The following NELL1 variants were observed in gnomAD, a reference collection of about 807,000 sequenced individuals.
The protein encoded by NELL1 is protein kinase C-binding protein NELL1.
In NELL1, 76 loss-of-function variants were observed where a neutral mutation model predicts 107.4. The ratio of observed to expected loss-of-function variants is 0.71; its 90% CI spans 0.59 to 0.86. The LOEUF (loss-of-function observed/expected upper bound fraction) is 0.86, where lower values mean the gene tolerates loss of function less well. Among genes scored for constraint, NELL1 ranks in the 40% least tolerant of loss-of-function variants. NELL1 has a pLI of 0.00. For synonymous variants in NELL1, 353 were observed against 341.2 expected, an observed-to-expected ratio of 1.03 and a Z score of -0.38; for missense variants, 1,024 against 1,005.5, an observed-to-expected ratio of 1.02 and a Z score of -0.25.
chr11:21,433,839 C>T (rs1853033093), intron 15 of NELL1, among the ~76,000 whole-genome samples: 1 of 152,034 alleles, frequency 6.6e-6, no homozygotes, highest in South Asian at 2.1e-4. Context: ...CCATGCCCAG[C>T]TAATTTTGAA....
chr11:20,856,652 C>T (rs1347453924), intron 4 of NELL1, among the ~76,000 whole-genome samples: 1 of 152,212 alleles, frequency 6.6e-6, no homozygotes, highest in Non-Finnish European at 1.5e-5. Context: ...CTAATATCTG[C>T]TTTCCAGGTC....
intron 2 of NELL1, among the ~76,000 whole-genome samples, chr11:20,729,162 C>T (rs35152319): frequency 0.12 from 18,208 of 151,918 alleles, 1,192 homozygotes; most frequent in Non-Finnish European, 0.15. Context: ...GATTTTGTGT[C>T]ATGAAAGCTT....
intron 14 of NELL1, among the ~76,000 whole-genome samples, chr11:21,310,400 T>A (rs1023431538): frequency 6.6e-6 from 1 of 152,106 alleles, no homozygotes; most frequent in Non-Finnish European, 1.5e-5. Context: ...GAGTGGCTGC[T>A]ATGTGTCAAG....
intron 14 of NELL1, among the ~76,000 whole-genome samples, chr11:21,352,577 T>C (rs1004290550): frequency 4.6e-5 from 7 of 152,194 alleles, no homozygotes; most frequent in African/African-American, 1.7e-4. Context: ...CAGTGGGGTC[T>C]GATATTAATT....
intron 15 of NELL1, among the ~76,000 whole-genome samples, chr11:21,486,586 C>T (rs1285934219): frequency 6.6e-6 from 1 of 152,026 alleles, no homozygotes; most frequent in African/African-American, 2.4e-5. Context: ...AAATATGACA[C>T]TTGGAAAGAG....
At chr11:21,051,224 G>C (rs970028214) in intron 12 of NELL1, among the ~76,000 whole-genome samples, 6 of 152,060 alleles carry the variant, frequency 3.9e-5, no homozygotes, top group South Asian at 2.1e-4. Flanking sequence ...TGAAATAATA[G>C]CATTCACAGC....
At position 21,503,517 on chromosome 11, in the gene NELL1, C is replaced by G. The variant is rs79964491; in HGVS notation, c.1646-30857C>G. Among the ~76,000 whole-genome samples the G allele has an allele frequency of 0.017, 2,541 of 152,220 alleles. 197 individuals are homozygous for G. The East Asian group carries it at 0.26, about 16-fold the overall frequency. On this transcript the variant is annotated intron_variant, in intron 15 of 19. Coordinates refer to ENST00000357134, the MANE Select transcript of NELL1 (RefSeq NM_006157.5). ...GGCAAGTTCTCCTATCTATGTGAGC[C>G]TCAATTTCCTCATCTTTGAAATGGT...
intron 14 of NELL1, among the ~76,000 whole-genome samples, chr11:21,318,693 A>T (rs189078588): frequency 1.3e-5 from 2 of 152,020 alleles, no homozygotes; most frequent in African/African-American, 4.8e-5. Flanking sequence ...CTTTCAACAC[A>T]TAGTAGGTAT....
rs201319322 is a variant in NELL1 at position 21,182,440 on chromosome 11, GAAA to G, written c.1427-46879_1427-46877del. On this transcript the variant is annotated intron_variant, in intron 13 of 19. Transcript: ENST00000357134. ...ACAGAGTGAGACTCCGTCTCAAAAA[GAAA>G]AAAAAAAAAAAAGAAAGAAAATGGG... is the stretch of plus-strand genomic sequence containing the variant. 3.5e-4 allele frequency among the ~76,000 whole-genome samples: 39 copies of G among 111,728 alleles called. 1 individual carries two copies. The highest frequency in any genetic ancestry group is 1.2e-3 in the African/African-American group (33 of 27,614). The allele number at this position is 111,728 out of a possible 152,430, so 73.3% of individuals were successfully genotyped here.
chr11:21,165,533 A>C (rs1337927812), intron 13 of NELL1, among the ~76,000 whole-genome samples: 1 of 152,146 alleles, frequency 6.6e-6, no homozygotes, highest in East Asian at 1.9e-4. Context: ...AAAAACTAAA[A>C]ACAGAGTTAC....
intron 12 of NELL1, among the ~76,000 whole-genome samples, chr11:21,013,128 G>C (rs1031540699): frequency 6.6e-6 from 1 of 152,140 alleles, no homozygotes; most frequent in African/African-American, 2.4e-5. Flanking sequence ...ATGAACAAAG[G>C]GCAGCTTGGA....
At chr11:21,401,583 T>C (rs1852098878) in intron 15 of NELL1, among the ~76,000 whole-genome samples, 1 of 151,192 alleles carries the variant, frequency 6.6e-6, no homozygotes, top group Admixed American at 6.6e-5. Context: ...GTTCATCATC[T>C]CAGATCTGCT....
intron 17 of NELL1, among the ~76,000 whole-genome samples, chr11:21,565,888 A>C (rs1286227783): frequency 2.0e-5 from 3 of 151,950 alleles, no homozygotes; most frequent in Non-Finnish European, 4.4e-5. Flanking sequence ...AGGCAAAATT[A>C]ATACTTTGTA....
At chr11:21,454,050 G>A (rs1456718644) in intron 15 of NELL1, among the ~76,000 whole-genome samples, 8 of 145,044 alleles carry the variant, frequency 5.5e-5, no homozygotes, top group African/African-American at 7.7e-5. Flanking sequence ...CTAGCATTAG[G>A]TATATCTCCC....
intron 12 of NELL1, among the ~76,000 whole-genome samples, chr11:20,989,972 G>A (rs1467793473): frequency 6.6e-6 from 1 of 150,776 alleles, no homozygotes; most frequent in Non-Finnish European, 1.5e-5. Context: ...ACTCCAGCCT[G>A]GGAGACAGAG....
intron 13 of NELL1, among the ~76,000 whole-genome samples, chr11:21,126,737 G>T (rs976973706): frequency 6.6e-6 from 1 of 152,168 alleles, no homozygotes; most frequent in Non-Finnish European, 1.5e-5. Context: ...CATTTGGAAA[G>T]CCGCTTGCCT....
chr11:21,497,773 A>G (rs1221680978), intron 15 of NELL1, among the ~76,000 whole-genome samples: 1 of 152,080 alleles, frequency 6.6e-6, no homozygotes, highest in Non-Finnish European at 1.5e-5. Context: ...AACATTTTCA[A>G]CAATAATTTA....
chr11:21,516,529 A>C (rs931623000), intron 15 of NELL1, among the ~76,000 whole-genome samples: 2 of 152,132 alleles, frequency 1.3e-5, no homozygotes, highest in Non-Finnish European at 2.9e-5. Context: ...ACCCTACTAC[A>C]CACGTAGGCT....
chr11:20,857,644 T>G (rs1848907747), intron 4 of NELL1, among the ~76,000 whole-genome samples: 1 of 152,218 alleles, frequency 6.6e-6, no homozygotes, highest in Non-Finnish European at 1.5e-5. Flanking sequence ...TGTTTCTGAC[T>G]GCACTGTGGG....
Sources: gnomAD v4.1 joint callset for allele counts (sites outside exome capture counted in the v4.1 genomes callset) on GRCh38, gnomAD v4.1.1 for gene constraint, MANE v1.5 for transcripts, NCBI Gene and HGNC (gene_info 2026-07-23, HGNC 2026-07-21) for gene names.